Variants in ANKRA2 observed in about 807,000 individuals in gnomAD.
ANKRA2 encodes ankyrin repeat family A protein 2.
Under a neutral mutation model 37.8 loss-of-function variants are expected in ANKRA2, and 33 were observed. The ratio of observed to expected loss-of-function variants is 0.87; its 90% confidence interval spans 0.66 to 1.17. The LOEUF (loss-of-function observed/expected upper bound fraction) is 1.17, where lower values mean the gene tolerates loss of function less well. Among genes scored for constraint, ANKRA2 ranks in the 50% most tolerant of loss-of-function variants. The pLI is 0.00. For synonymous variants in ANKRA2, 126 were observed against 132.3 expected, an observed-to-expected ratio of 0.95 and a Z score of 0.33; for missense variants, 326 against 373.7, an observed-to-expected ratio of 0.87 and a Z score of 1.05.
intron 3 of ANKRA2, among the ~76,000 whole-genome samples, chr5:73,560,634 C>T (rs1404866518): frequency 6.6e-6 from 1 of 152,184 alleles, no homozygotes; most frequent in Non-Finnish European, 1.5e-5. Context: ...GACACACCAG[C>T]CTCGGACTCC....
intron 1 of ANKRA2, among the ~76,000 whole-genome samples, chr5:73,563,888 A>C (rs888924974): frequency 1.3e-5 from 2 of 152,196 alleles, no homozygotes; most frequent in South Asian, 2.1e-4. Context: ...ACCTTCTACA[A>C]TTTTAAAAAC....
intron 3 of ANKRA2, among the ~76,000 whole-genome samples, chr5:73,560,832 G>T (rs1483491905): frequency 6.6e-6 from 1 of 152,152 alleles, no homozygotes; most frequent in Non-Finnish European, 1.5e-5. Context: ...GTAAACACCA[G>T]TCCACTGTGT....
At chr5:73,553,299 G>T in intron 8 of ANKRA2, 107 bp downstream of exon 8, 1 of 774,052 alleles carries the variant, frequency 1.3e-6, no homozygotes, top group Non-Finnish European at 2.0e-6. Context: ...GTCAGGAGTT[G>T]GGATAACATG....
rs760822578 is a variant in ANKRA2 at position 73,554,889 on chromosome 5, C to A, written c.710G>T (p.Cys237Phe). The A allele has an allele frequency of 5.6e-6, 9 of 1,613,780 alleles. No individual in the cohort carries two copies. In the South Asian group the frequency reaches 7.7e-5, roughly 14 times the overall value. The stretch of plus-strand genomic sequence containing the variant: ...ATCATATTCATTTACATCAACTCCA[C>A]AATCAAGCAGCATTTTGACAATATC... ...YTDIVKMLLD[C>F]GVDVNEYDWN... Residue 237 changes from cysteine (C) to phenylalanine (F), a missense_variant, in exon 6 of 9, where the codon TGT becomes TTT. Physicochemically the swap from Cys to Phe is radical, Grantham distance 205. This residue lies in a region of ANKRA2 where 228 missense variants were observed against 260.2 expected (regional missense o/e 0.88). Transcript: ENST00000296785.
At chr5:73,564,706 T>C (rs1045183635) in intron 1 of ANKRA2, among the ~76,000 whole-genome samples, 19 of 152,164 alleles carry the variant, frequency 1.2e-4, no homozygotes, top group Admixed American at 8.5e-4. Flanking sequence ...ACAGCTTCCA[T>C]GTTACAAATC....
intron 3 of ANKRA2, among the ~76,000 whole-genome samples, chr5:73,560,828 A>T (rs1046435746): frequency 6.6e-6 from 1 of 152,108 alleles, no homozygotes; most frequent in Non-Finnish European, 1.5e-5. Context: ...TCTGGTAAAC[A>T]CCAGTCCACT....
rs1460223153 is a variant in ANKRA2 at position 73,562,720 on chromosome 5, G to A, written c.162C>T (p.Phe54=). The change falls in exon 2 of 9, where the codon TTC becomes TTT. Residue 54 remains phenylalanine, a synonymous_variant. Coordinates refer to ENST00000296785, the MANE Select transcript of ANKRA2 (RefSeq NM_023039.5). ...SAQGVAMGMK[F]ILPNRFDMNV... ...TCATATCAAATCGGTTAGGCAATAT[G>A]AATTTCATTCCCATGGCAACACCCT... 6.2e-7 allele frequency: 1 copy of A among 1,614,118 alleles called. No homozygotes were observed.
At chr5:73,558,521 C>G (rs1445592724) in intron 3 of ANKRA2, among the ~76,000 whole-genome samples, 1 of 151,960 alleles carries the variant, frequency 6.6e-6, no homozygotes, top group Non-Finnish European at 1.5e-5. Flanking sequence ...AAAAACTGGC[C>G]TTGAGAGTAA....
In ANKRA2 at chr5:73,552,650, C is replaced by T; in HGVS notation, c.*147G>A. On this transcript the variant is annotated 3_prime_UTR_variant, in exon 9 of 9. Transcript: ENST00000296785. The stretch of plus-strand genomic sequence containing the variant: ...AAAGAGTATTACATTTATTATAAAC[C>T]AGTGAATTACTCAGAGAAATATTTA... 1 of 642,568 alleles carries T rather than the reference C, an allele frequency of 1.6e-6. No homozygotes were observed. 39.8% of individuals were successfully genotyped at this position (642,568 alleles called of 1,614,324 possible).
At chr5:73,553,978 CCAGGCTGG>C (rs1580375641) in intron 7 of ANKRA2, among the ~76,000 whole-genome samples, 1 of 152,084 alleles carries the variant, frequency 6.6e-6, no homozygotes, top group East Asian at 1.9e-4. Flanking sequence ...GCCATGTTGG[CCAGGCTGG>C]TTTGAACTCC....
At chr5:73,557,483 T>C in intron 4 of ANKRA2, 92 bp downstream of exon 4, 1 of 793,402 alleles carries the variant, frequency 1.3e-6, no homozygotes, top group Non-Finnish European at 1.8e-6. Flanking sequence ...TATTTGTTTT[T>C]GTCTTTAGGA....
At chr5:73,555,338 C>T (rs1747369960) in intron 5 of ANKRA2, 150 bp downstream of exon 5, 1 of 1,350,190 alleles carries the variant, frequency 7.4e-7, no homozygotes, top group Admixed American at 2.8e-5. Context: ...GCCTTCCCAA[C>T]TAGATCCAAG....
intron 3 of ANKRA2, among the ~76,000 whole-genome samples, chr5:73,558,326 A>T (rs59557658): frequency 0.06 from 9,073 of 152,144 alleles, 986 homozygotes; most frequent in East Asian, 0.46. Flanking sequence ...ATCTATTCTG[A>T]AGAAACGGCT....
intron 3 of ANKRA2, 98 bp from the exon 4 acceptor site, chr5:73,557,738 C>A: frequency 1.4e-6 from 1 of 737,126 alleles, no homozygotes. Context: ...TTTTCCAAAA[C>A]AAAAACTACA....
intron 3 of ANKRA2, among the ~76,000 whole-genome samples, chr5:73,560,832 G>C (rs1483491905): frequency 6.6e-6 from 1 of 152,152 alleles, no homozygotes; most frequent in Non-Finnish European, 1.5e-5. Context: ...GTAAACACCA[G>C]TCCACTGTGT....
chr5:73,555,002 G>C lies in ANKRA2; in HGVS notation c.613-16C>G. 6.3e-7 allele frequency: 1 copy of C among 1,598,130 alleles called. No homozygotes were observed. Among genetic ancestry groups the C allele is most frequent in the Non-Finnish European group, 8.5e-7 (1 of 1,175,630 alleles). On this transcript the variant is annotated splice_polypyrimidine_tract_variant and intron_variant, in intron 5 of 8. Transcript: ENST00000296785. The stretch of plus-strand genomic sequence containing the variant: ...GATCAGCACCCTGGTATGGGAAGTA[G>C]AGATAAAAGACTTCTCAATTAGTTT...
At chr5:73,559,972 C>T (rs538425842) in intron 3 of ANKRA2, among the ~76,000 whole-genome samples, 29 of 152,204 alleles carry the variant, frequency 1.9e-4, no homozygotes, top group Middle Eastern at 3.4e-3. Context: ...TTATGTTGCT[C>T]AGGCTGGTCT....
At chr5:73,563,472 T>A (rs1323183951) in intron 1 of ANKRA2, among the ~76,000 whole-genome samples, 2 of 152,248 alleles carry the variant, frequency 1.3e-5, no homozygotes, top group African/African-American at 4.8e-5. Flanking sequence ...ATTTAAGAAA[T>A]GATAATTCAT....
intron 7 of ANKRA2, 83 bp from the exon 8 acceptor site, chr5:73,553,569 G>C: frequency 8.5e-7 from 1 of 1,180,932 alleles, no homozygotes; most frequent in Non-Finnish European, 1.2e-6. Context: ...CAAATAGCTG[G>C]AGAGATTTTT....
Sources: gnomAD v4.1 joint callset for allele counts (sites outside exome capture counted in the v4.1 genomes callset) on GRCh38, gnomAD v4.1.1 for gene constraint, gnomAD v4.1.1 regional missense constraint, MANE v1.5 for transcripts, NCBI Gene and HGNC (gene_info 2026-07-23, HGNC 2026-07-21) for gene names.